The following HYCC1 variants were observed in gnomAD, a reference collection of about 807,000 sequenced individuals.
HYCC1 encodes hyccin.
the HYCC1 span, among the ~76,000 whole-genome samples, chr7:22,963,179 C>G: frequency 6.6e-6 from 1 of 152,104 alleles, no homozygotes; most frequent in Non-Finnish European, 1.5e-5. Context: ...ACATGAAAAG[C>G]AAAACAAACA....
chr7:22,988,311 A>G, the HYCC1 span, among the ~76,000 whole-genome samples: 2 of 152,168 alleles, frequency 1.3e-5, no homozygotes, highest in African/African-American at 4.8e-5. Context: ...GGCAGGAGAA[A>G]CTACTTAAAC....
chr7:22,901,926 A>G, the HYCC1 span, among the ~76,000 whole-genome samples: 1 of 152,198 alleles, frequency 6.6e-6, no homozygotes, highest in African/African-American at 2.4e-5. Flanking sequence ...AAATATCTTG[A>G]TATAATCAGC....
chr7:22,988,578 C>T, the HYCC1 span, among the ~76,000 whole-genome samples: 6 of 152,062 alleles, frequency 3.9e-5, no homozygotes, highest in African/African-American at 7.2e-5. Context: ...TTTCTAGGTC[C>T]TCCCAGTGAA....
At chr7:22,983,840 T>C in the HYCC1 span, 2 of 729,428 alleles carry the variant, frequency 2.7e-6, no homozygotes, top group Non-Finnish European at 4.9e-6. Flanking sequence ...GTATTGTTCT[T>C]TAAACATATA....
At chr7:23,006,675 T>C in the HYCC1 span, among the ~76,000 whole-genome samples, 1 of 152,228 alleles carries the variant, frequency 6.6e-6, no homozygotes, top group Non-Finnish European at 1.5e-5. Flanking sequence ...CTAATCTTCA[T>C]GGTACAGTTT....
chr7:22,992,277 C>G, the HYCC1 span, among the ~76,000 whole-genome samples: 1 of 151,900 alleles, frequency 6.6e-6, no homozygotes, highest in Non-Finnish European at 1.5e-5. Context: ...ATGATTAAAA[C>G]ATTTTTTGGT....
the HYCC1 span, among the ~76,000 whole-genome samples, chr7:22,992,155 A>G: frequency 6.6e-6 from 1 of 151,890 alleles, no homozygotes; most frequent in Non-Finnish European, 1.5e-5. Context: ...TAATTCTTAT[A>G]AACTCTGCTC....
chr7:23,005,925 T>A, the HYCC1 span, among the ~76,000 whole-genome samples: 1 of 152,240 alleles, frequency 6.6e-6, no homozygotes, highest in Non-Finnish European at 1.5e-5. Flanking sequence ...CAGGACTCAC[T>A]TGAAGTTTCA....
the HYCC1 span, among the ~76,000 whole-genome samples, chr7:22,949,691 T>C: frequency 6.6e-6 from 1 of 151,680 alleles, no homozygotes; most frequent in African/African-American, 2.4e-5. Flanking sequence ...AACTAGAAAA[T>C]GACAGGGAGA....
chr7:22,912,018 A>G, the HYCC1 span, among the ~76,000 whole-genome samples: 3 of 152,212 alleles, frequency 2.0e-5, no homozygotes, highest in African/African-American at 7.2e-5. Flanking sequence ...TTTTAAAACC[A>G]ATGTTTATGG....
At chr7:22,906,500 C>T in the HYCC1 span, among the ~76,000 whole-genome samples, 1 of 151,454 alleles carries the variant, frequency 6.6e-6, no homozygotes, top group Non-Finnish European at 1.5e-5. Flanking sequence ...ATCACTTGAA[C>T]CTAGGAGGCT....
chr7:22,976,936 T>G, the HYCC1 span: 18 of 628,630 alleles, frequency 2.9e-5, no homozygotes, highest in Non-Finnish European at 4.2e-5. Flanking sequence ...TTAGGCTGCC[T>G]ACCAAATTTT....
chr7:22,944,313 G>C, the HYCC1 span: 2 of 152,078 alleles, frequency 1.3e-5, no homozygotes, highest in African/African-American at 4.8e-5. Context: ...AAAGGACCAC[G>C]GCTAGCAAAC....
chr7:22,993,222 C>T, the HYCC1 span, among the ~76,000 whole-genome samples: 1 of 152,100 alleles, frequency 6.6e-6, no homozygotes, highest in Non-Finnish European at 1.5e-5. Context: ...AGAGATCATG[C>T]TGTATGCAAA....
At chr7:22,983,851 C>T in the HYCC1 span, 3 of 761,478 alleles carry the variant, frequency 3.9e-6, no homozygotes, top group South Asian at 1.4e-5. Context: ...TAAACATATA[C>T]ATTTTCTTAC....
the HYCC1 span, chr7:23,013,922 C>G: frequency 2.8e-4 from 132 of 469,406 alleles, no homozygotes; most frequent in Non-Finnish European, 5.5e-4. Context: ...CGGCTGGACT[C>G]ACCAGGGCGG....
the HYCC1 span, among the ~76,000 whole-genome samples, chr7:22,986,633 G>A: frequency 1.3e-5 from 2 of 152,202 alleles, no homozygotes; most frequent in Admixed American, 1.3e-4. Flanking sequence ...GGATCACGAG[G>A]TCAGGAGTTA....
chr7:22,913,458 G>A, the HYCC1 span, among the ~76,000 whole-genome samples: 1 of 152,224 alleles, frequency 6.6e-6, no homozygotes, highest in Admixed American at 6.5e-5. Flanking sequence ...ACCCGGCACA[G>A]TAGGAGTGTC....
the HYCC1 span, chr7:22,935,504 T>C: frequency 2.6e-5 from 4 of 152,280 alleles, no homozygotes; most frequent in Non-Finnish European, 5.9e-5. Context: ...CCCTCTTTTA[T>C]GACTTGGCAG....
Sources: allele counts gnomAD v4.1 joint callset (sites outside exome capture counted in the v4.1 genomes callset), GRCh38; gene constraint gnomAD v4.1.1; transcripts MANE v1.5; gene names NCBI Gene and HGNC (gene_info 2026-07-23, HGNC 2026-07-21).